LLGL2: variants seen among roughly 807,000 people sequenced by gnomAD.
LLGL2 encodes the protein LLGL2, scribble cell polarity complex component.
Under a neutral mutation model 123.2 loss-of-function variants are expected in LLGL2, and 81 were observed. The ratio of observed to expected loss-of-function variants is 0.66; its 90% CI spans 0.55 to 0.79. The LOEUF is 0.79. LLGL2 is among the 30% of genes least tolerant of loss of function. The probability of loss-of-function intolerance (pLI) is 0.00; values close to 1 mark genes in which losing one functional copy is unlikely to be tolerated. For missense variants in LLGL2, 1,273 were observed against 1,414.6 expected (o/e 0.90, Z 1.61); for synonymous variants, 577 against 594.1 (o/e 0.97, Z 0.42).
chr17:75,534,275 CAGG>C (rs1259168075), intron 1 of LLGL2, among the ~76,000 whole-genome samples: 1 of 152,246 alleles, frequency 6.6e-6, no homozygotes, highest in African/African-American at 2.4e-5. Flanking sequence ...AAGGAAACTT[CAGG>C]AGGAGTCTAG....
In LLGL2 at chr17:75,549,459, CT is replaced by C. The variant is rs368527901; in HGVS notation, c.75+5959del. On this transcript the variant is annotated intron_variant, in intron 2 of 25. Coordinates refer to ENST00000392550, the MANE Select transcript of LLGL2 (RefSeq NM_001031803.2). The surrounding 1 kb of genome is among the most constrained non-coding windows in gnomAD (Gnocchi z 4.0). ...GCCTTCCCTGCCCGTGCCCACCCTC[CT>C]CTGTCCCCTTAGGCCCTGAACAAAC... Among the ~76,000 whole-genome samples, 179 of 152,310 alleles carry C rather than the reference CT, an allele frequency of 1.2e-3. No homozygotes were observed. The highest frequency in any genetic ancestry group is 4.0e-3 in the African/African-American group (166 of 41,584).
chr17:75,558,309 T>C lies in LLGL2; in HGVS notation c.255+73T>C. The C allele has an allele frequency of 6.9e-7, 1 of 1,450,894 alleles. No homozygotes were observed. The highest frequency in any genetic ancestry group is 1.2e-5 in the South Asian group (1 of 84,972). The allele number at this position is 1,450,894 out of a possible 1,614,324, so 89.9% of individuals were successfully genotyped here. A position where few individuals can be genotyped will look rare whatever the true frequency, so the allele number is the denominator to read the frequency against. On this transcript the variant is annotated intron_variant, in intron 4 of 25. Coordinates refer to ENST00000392550, the MANE Select transcript of LLGL2 (RefSeq NM_001031803.2). The surrounding 1 kb of genome is among the most constrained non-coding windows in gnomAD (Gnocchi z 4.0). Reference sequence around the variant, plus strand: ...CCTTCACTGCTTCCAGCAGGGCTGGTGTGGAGAGGCTGGCATTCGGTGGCC... The same window carrying C: ...CCTTCACTGCTTCCAGCAGGGCTGGCGTGGAGAGGCTGGCATTCGGTGGCC...
intron 24 of LLGL2, 37 bp downstream of exon 24, chr17:75,574,532 G>C (rs1320445137): frequency 1.3e-6 from 2 of 1,580,036 alleles, no homozygotes; most frequent in Non-Finnish European, 1.7e-6. Context: ...GTGGGCCCGA[G>C]GCTCTGCCAG....
chr17:75,547,172 C>T (rs181293746), intron 2 of LLGL2, among the ~76,000 whole-genome samples: 4 of 152,350 alleles, frequency 2.6e-5, no homozygotes, highest in Non-Finnish European at 5.9e-5. Context: ...GGACATCGCC[C>T]CGGGGGTCCT....
intron 1 of LLGL2, among the ~76,000 whole-genome samples, chr17:75,537,532 T>C (rs2054050293): frequency 6.6e-6 from 1 of 151,970 alleles, no homozygotes; most frequent in African/African-American, 2.4e-5. Context: ...ACAGCTCTAC[T>C]AAAAATAACA....
At chr17:75,569,887 GT>G in intron 14 of LLGL2, 75 bp from the exon 15 acceptor site, 1 of 1,470,696 alleles carries the variant, frequency 6.8e-7, no homozygotes, top group Non-Finnish European at 9.1e-7. Context: ...CTCCTTTGCT[GT>G]CCCCACTAGT....
At chr17:75,527,244 G>A (rs780580538) in intron 1 of LLGL2, among the ~76,000 whole-genome samples, 2 of 151,954 alleles carry the variant, frequency 1.3e-5, no homozygotes, top group Non-Finnish European at 2.9e-5. Context: ...AGAACTGTGC[G>A]AGAGATGTCT....
chr17:75,527,977 G>A (rs2147053752), intron 1 of LLGL2, among the ~76,000 whole-genome samples: 1 of 151,740 alleles, frequency 6.6e-6, no homozygotes, highest in Admixed American at 6.6e-5. Flanking sequence ...TTTTTAGAAA[G>A]GGGGTTTTGC....
chr17:75,558,615 G>T lies in LLGL2; in HGVS notation c.359G>T (p.Arg120Leu). Residue 120 changes from arginine to leucine, a missense_variant, in exon 5 of 26, where the codon CGT becomes CTT. Coordinates refer to ENST00000392550, the MANE Select transcript of LLGL2 (RefSeq NM_001031803.2). The surrounding 1 kb of genome is among the most constrained non-coding windows in gnomAD (Gnocchi z 4.0). ...CAGGAGGATGAGAGCTTCACACTGC[G>T]TGGACCCCCAGGGTAAGGGCTCAAT... ...ELQEDESFTL[R>L]GPPGAAPSAT... The T allele has an allele frequency of 6.2e-7, 1 of 1,604,304 alleles. No individual in the cohort carries two copies. The highest frequency in any genetic ancestry group is 2.2e-5 in the East Asian group (1 of 44,452).
Position 75,535,242 on chromosome 17 carries a change from C to T in LLGL2, c.-30-8155C>T, listed in dbSNP as rs1037173326. 2.0e-5 allele frequency among the ~76,000 whole-genome samples: 3 copies of T among 152,370 alleles called. No homozygotes were observed. In the East Asian group the frequency reaches 5.8e-4, roughly 29 times the overall value. ...TTCACATCCGTCAAACAGGAGGCCA[C>T]AGCCACACTCAGGCCTCACACAGGA... On this transcript the variant is annotated intron_variant, in intron 1 of 25. Coordinates refer to ENST00000392550, the MANE Select transcript of LLGL2 (RefSeq NM_001031803.2).
chr17:75,548,479 C>G (rs2054528347), intron 2 of LLGL2, among the ~76,000 whole-genome samples: 1 of 152,030 alleles, frequency 6.6e-6, no homozygotes, highest in Admixed American at 6.6e-5. Context: ...CATGTCTGCA[C>G]TTTCTGAGAA....
Position 75,563,074 on chromosome 17 carries a change from C to T in LLGL2, c.589C>T (p.His197Tyr), listed in dbSNP as rs1284738438. Reference protein sequence around the residue: ...VFEMVEALQEHPRDPNQILIG... With the variant: ...VFEMVEALQEYPRDPNQILIG... ...CGAGATGGTGGAGGCACTGCAGGAG[C>T]ACCCTCGAGACCCCAACCAGATCCT... The change falls in exon 7 of 26, where the codon CAC becomes TAC. Residue 197 changes from histidine (H) to tyrosine (Y), a missense_variant. His to Tyr is a moderately conservative substitution (Grantham distance 83). Coordinates refer to ENST00000392550, the MANE Select transcript of LLGL2 (RefSeq NM_001031803.2). The T allele has an allele frequency of 6.2e-7, 1 of 1,613,070 alleles. No homozygotes were observed. Among genetic ancestry groups the T allele is most frequent in the African/African-American group, 1.3e-5 (1 of 74,964 alleles).
At position 75,569,049 on chromosome 17, in the gene LLGL2, CTG is replaced by C. The variant is rs2055572285; in HGVS notation, c.1397_1398del (p.Val466AlafsTer31). On this transcript the variant is annotated frameshift_variant, in exon 13 of 26. Coordinates refer to ENST00000392550, the MANE Select transcript of LLGL2 (RefSeq NM_001031803.2). LOFTEE classifies it high-confidence loss of function. ...CTGCGGCTGCTCTACAAACTCAGCA[CTG>C]TGCGCGTGTTCCTCACCGACACGGA... 6.2e-7 allele frequency: 1 copy of C among 1,612,706 alleles called. No individual in the cohort carries two copies. The highest frequency in any genetic ancestry group is 1.1e-5 in the South Asian group (1 of 90,868).
At chr17:75,527,167 CAAAA>C (rs200100321) in intron 1 of LLGL2, among the ~76,000 whole-genome samples, 3,864 of 129,782 alleles carry the variant, frequency 0.03, 58 homozygotes, top group Middle Eastern at 0.12. Context: ...GACCCTGTCT[CAAAA>C]AAAAAAAAAA....
At chr17:75,574,547 C>T (rs549190432) in intron 24 of LLGL2, 52 bp downstream of exon 24, 200 of 1,589,176 alleles carry the variant, frequency 1.3e-4, no homozygotes, top group Non-Finnish European at 1.6e-4. Flanking sequence ...TGCCAGAGGG[C>T]TCAGGGGAGC....
chr17:75,539,647 A>C, intron 1 of LLGL2, among the ~76,000 whole-genome samples: 1 of 143,880 alleles, frequency 7.0e-6, no homozygotes, highest in African/African-American at 2.6e-5. Flanking sequence ...TCACTCCGTC[A>C]CCCAGACTGG....
intron 3 of LLGL2, among the ~76,000 whole-genome samples, chr17:75,557,653 T>C (rs1352243795): frequency 6.6e-6 from 1 of 152,168 alleles, no homozygotes; most frequent in African/African-American, 2.4e-5. Context: ...CAGGCTGGGC[T>C]GGTGTACACA....
chr17:75,566,477 G>A (rs1281659455), intron 10 of LLGL2, among the ~76,000 whole-genome samples: 1 of 152,220 alleles, frequency 6.6e-6, no homozygotes, highest in Non-Finnish European at 1.5e-5. Flanking sequence ...TTGGCTCAGG[G>A]GCCAGGTCAG....
intron 1 of LLGL2, among the ~76,000 whole-genome samples, chr17:75,526,587 T>G (rs1019280819): frequency 5.9e-5 from 9 of 151,990 alleles, no homozygotes; most frequent in Admixed American, 4.6e-4. Flanking sequence ...AGAGTGGCGC[T>G]TTGAGGCTCT....
Sources: gnomAD v4.1 joint callset for allele counts (sites outside exome capture counted in the v4.1 genomes callset) on GRCh38, gnomAD v4.1.1 for gene constraint, Gnocchi (gnomAD v3.1) non-coding constraint, MANE v1.5 for transcripts, NCBI Gene and HGNC (gene_info 2026-07-23, HGNC 2026-07-21) for gene names.